EFCAB6: variants seen among roughly 807,000 people sequenced by gnomAD.
EFCAB6 encodes EF-hand calcium-binding domain-containing protein 6.
EFCAB6 carries 156 observed loss-of-function variants against 169.8 expected under a neutral mutation model. That is an observed-to-expected ratio of 0.92 (90% CI 0.81 to 1.05). EFCAB6 has a LOEUF of 1.05. EFCAB6 is among the 50% of genes least tolerant of loss of function. The pLI, the probability that EFCAB6 is intolerant of heterozygous loss-of-function variation, is 0.00. For missense variants in EFCAB6, 1,800 were observed against 1,829.1 expected (o/e 0.98, Z 0.29); for synonymous variants, 698 against 676.4 (o/e 1.03, Z -0.50).
At chr22:43,731,678 A>G (rs2059954999) in intron 8 of EFCAB6, 21 bp downstream of exon 8, 1 of 1,448,172 alleles carries the variant, frequency 6.9e-7, no homozygotes, top group Non-Finnish European at 9.5e-7. Context: ...ATCTTTAGCT[A>G]TATACTTTAA....
At position 43,572,597 on chromosome 22, in the gene EFCAB6, C is replaced by T. The variant is rs1000731644; in HGVS notation, c.3420+3700G>A. Among the ~76,000 whole-genome samples, 1 of 152,228 alleles carries T rather than the reference C, an allele frequency of 6.6e-6. No individual in the cohort carries two copies. Among genetic ancestry groups the T allele is most frequent in the African/African-American group, 2.4e-5 (1 of 41,460 alleles). On this transcript the variant is annotated intron_variant, in intron 26 of 31. Coordinates refer to ENST00000262726, the MANE Select transcript of EFCAB6 (RefSeq NM_022785.4). This position sits in a 1 kb window ranked among gnomAD's most constrained non-coding sequence, Gnocchi z 4.0. ...TTCATCTGCCCCCAAACCAGTTGGC[C>T]CCTTCCTGTGGATGCCATCGCACTA...
chr22:43,551,745 G>GAGAAC (rs1278725406), intron 27 of EFCAB6: 1 of 151,928 alleles, frequency 6.6e-6, no homozygotes, highest in East Asian at 1.9e-4. Context: ...ACTTACAAGT[G>GAGAAC]AGAACATGCA....
At chr22:43,759,456 T>C (rs568143000) in intron 5 of EFCAB6, 5 of 152,346 alleles carry the variant, frequency 3.3e-5, no homozygotes. Flanking sequence ...TCGTACCAAG[T>C]GCCACACGGA....
Position 43,635,140 on chromosome 22 carries a change from T to C in EFCAB6, c.2060A>G (p.Glu687Gly). ...LLTTKIGFEKEGMSYLDFAAG... is the reference protein window; with the variant it reads ...LLTTKIGFEKGGMSYLDFAAG... ...TGCAAAATCAAGATAGCTCATCCCTTCCTTCTCGAAGCCTATTTTAGTGGT... is the reference window on the plus strand; with the variant it reads ...TGCAAAATCAAGATAGCTCATCCCTCCCTTCTCGAAGCCTATTTTAGTGGT... Residue 687 changes from glutamate (E) to glycine (G), a missense_variant, in exon 18 of 32, where the codon GAA (glutamate) becomes GGA (glycine). By Grantham distance (98) the Glu-to-Gly change is moderately conservative. Transcript: ENST00000262726. The C allele has an allele frequency of 6.2e-7, 1 of 1,614,118 alleles. No homozygotes were observed. Among genetic ancestry groups the C allele is most frequent in the South Asian group, 1.1e-5 (1 of 91,078 alleles).
chr22:43,605,851 C>A (rs1160474236), intron 22 of EFCAB6, among the ~76,000 whole-genome samples: 1 of 152,152 alleles, frequency 6.6e-6, no homozygotes, highest in Non-Finnish European at 1.5e-5. Context: ...TCAATAAAAA[C>A]TTGATTTGAT....
rs563122280 is a variant in EFCAB6, at chr22:43,574,452, C to A, written c.3420+1845G>T. 1.3e-5 allele frequency among the ~76,000 whole-genome samples: 2 copies of A among 152,276 alleles called. 1 individual carries two copies. On this transcript the variant is annotated intron_variant, in intron 26 of 31. Coordinates refer to ENST00000262726, the MANE Select transcript of EFCAB6 (RefSeq NM_022785.4). ...AGCCTGTCTACTCCGCCTTCCCCAACAGGCATGACAGTGAGATGAGAAATC... is the reference window on the plus strand; with the variant it reads ...AGCCTGTCTACTCCGCCTTCCCCAAAAGGCATGACAGTGAGATGAGAAATC...
chr22:43,760,227 G>T (rs141188670), intron 5 of EFCAB6, among the ~76,000 whole-genome samples: 1 of 90,142 alleles, frequency 1.1e-5, no homozygotes, highest in Non-Finnish European at 2.6e-5. Context: ...AAAGAAAAAA[G>T]AAAAAAAAAG....
intron 11 of EFCAB6, among the ~76,000 whole-genome samples, 186 bp downstream of exon 11, chr22:43,687,285 G>A (rs1385785036): frequency 6.6e-6 from 1 of 152,112 alleles, no homozygotes; most frequent in Non-Finnish European, 1.5e-5. Context: ...CAACCTTATA[G>A]TTTAAGGCAG....
chr22:43,715,982 T>C (rs892695921), intron 9 of EFCAB6, among the ~76,000 whole-genome samples: 32 of 152,370 alleles, frequency 2.1e-4, no homozygotes, highest in African/African-American at 7.7e-4. Flanking sequence ...ATGTTGCACA[T>C]ATTGTGCCAA....
intron 24 of EFCAB6, among the ~76,000 whole-genome samples, chr22:43,583,854 C>T (rs79391169): frequency 0.015 from 2,194 of 144,718 alleles, 30 homozygotes; most frequent in East Asian, 0.068. Flanking sequence ...ATAAGCCACA[C>T]AGTTTACATT....
At chr22:43,722,445 C>T (rs768014792) in intron 8 of EFCAB6, among the ~76,000 whole-genome samples, 9 of 151,662 alleles carry the variant, frequency 5.9e-5, no homozygotes, top group Non-Finnish European at 1.0e-4. Context: ...GCAGAAGAAT[C>T]GCTTGAACCC....
chr22:43,632,237 A>G lies in EFCAB6; in HGVS notation c.2100T>C (p.Asp700=). Reference sequence around the variant, plus strand: ...TGGTTTCCGGCCCTCTCATTGGAGGATCTGGAACAATTACAAAGATCGGGG... The same window carrying G: ...TGGTTTCCGGCCCTCTCATTGGAGGGTCTGGAACAATTACAAAGATCGGGG... ...SYLDFAAGFE[D]PPMRGPETTP... is the part of the protein sequence containing the mutation. The change falls in exon 19 of 32, where the codon GAT becomes GAC. Residue 700 remains aspartate, a splice_region_variant and synonymous_variant. Transcript: ENST00000262726. 1.9e-6 allele frequency: 3 copies of G among 1,596,390 alleles called. No individual in the cohort carries two copies. The highest frequency in any genetic ancestry group is 1.4e-5 in the African/African-American group (1 of 73,188).
rs115810546 is a variant in EFCAB6, at chr22:43,790,015, T to C, written c.-7-7690A>G. ...AGATGATGCTTCTGAAGTCCTCAAT[T>C]TGAAGAATCACAAAGTTTACAGGGT... On this transcript the variant is annotated intron_variant, in intron 2 of 31. Transcript: ENST00000262726. 9.1e-3 allele frequency among the ~76,000 whole-genome samples: 1,380 copies of C among 152,316 alleles called. 20 individuals are homozygous for C. Among genetic ancestry groups the C allele is most frequent in the African/African-American group, 0.032 (1,330 of 41,558 alleles).
chr22:43,544,918 C>T (rs972005840), intron 27 of EFCAB6, among the ~76,000 whole-genome samples: 6 of 151,770 alleles, frequency 4.0e-5, no homozygotes, highest in African/African-American at 9.7e-5. Flanking sequence ...GTCAGGAGAT[C>T]GAGACCATCC....
intron 29 of EFCAB6, chr22:43,535,084 C>T: frequency 1.8e-6 from 1 of 564,576 alleles, no homozygotes; most frequent in Non-Finnish European, 3.1e-6. Flanking sequence ...GTCCCGCTGG[C>T]CCACACTGTC....
At chr22:43,745,462 C>T (rs2060526300) in intron 6 of EFCAB6, among the ~76,000 whole-genome samples, 1 of 152,168 alleles carries the variant, frequency 6.6e-6, no homozygotes, top group Non-Finnish European at 1.5e-5. Context: ...AGCTCCTCAC[C>T]CGGAGCCACT....
chr22:43,704,697 T>C (rs572357553), intron 10 of EFCAB6, among the ~76,000 whole-genome samples: 43 of 152,226 alleles, frequency 2.8e-4, no homozygotes, highest in African/African-American at 1.0e-3. Context: ...AAGTGGACTA[T>C]GTAAGTATAA....
Position 43,678,015 on chromosome 22 carries a change from A to C in EFCAB6, c.1400T>G (p.Leu467Arg). 6.2e-7 allele frequency: 1 copy of C among 1,613,840 alleles called. No homozygotes were observed. Among genetic ancestry groups the C allele is most frequent in the South Asian group, 1.1e-5 (1 of 91,022 alleles). The change falls in exon 13 of 32, where the codon CTG becomes CGG. Residue 467 changes from leucine to arginine, a missense_variant. By Grantham distance (102) the Leu-to-Arg change is moderately radical. Coordinates refer to ENST00000262726, the MANE Select transcript of EFCAB6 (RefSeq NM_022785.4). ...GVVNTSMFIDLIEENCRMRKT... is the reference protein window; with the variant it reads ...GVVNTSMFIDRIEENCRMRKT... ...ACTCACCCTACAGTTCTCTTCAATC[A>C]GATCAATAAACATGCTGGTGTTGAC...
intron 23 of EFCAB6, among the ~76,000 whole-genome samples, chr22:43,597,121 A>C (rs1430921026): frequency 6.6e-6 from 1 of 152,242 alleles, no homozygotes; most frequent in Non-Finnish European, 1.5e-5. Context: ...TAAAAACTTA[A>C]ATGTAAGACC....
Sources: gnomAD v4.1 joint callset for allele counts (sites outside exome capture counted in the v4.1 genomes callset) on GRCh38, gnomAD v4.1.1 for gene constraint, Gnocchi (gnomAD v3.1) non-coding constraint, MANE v1.5 for transcripts, NCBI Gene and HGNC (gene_info 2026-07-23, HGNC 2026-07-21) for gene names.